The following SLC24A1 variants were observed in gnomAD, a reference collection of about 807,000 sequenced individuals.
The protein encoded by SLC24A1 is solute carrier family 24 member 1, also known as sodium/potassium/calcium exchanger 1.
A neutral mutation model predicts 88.1 loss-of-function variants in SLC24A1; 52 were observed. The ratio of observed to expected loss-of-function variants is 0.59; its 90% CI spans 0.47 to 0.74. The LOEUF (loss-of-function observed/expected upper bound fraction) is 0.74, where lower values mean the gene tolerates loss of function less well. SLC24A1 is among the 30% of genes least tolerant of loss of function. SLC24A1 has a pLI of 0.00. For synonymous variants in SLC24A1, 455 were observed against 498.0 expected, an observed-to-expected ratio of 0.91 and a Z score of 1.15; for missense variants, 1,173 against 1,363.3, an observed-to-expected ratio of 0.86 and a Z score of 2.20.
Position 65,624,461 on chromosome 15 carries a change from G to A in SLC24A1, c.381G>A (p.Lys127=). 5.0e-6 allele frequency: 8 copies of A among 1,610,720 alleles called. No homozygotes were observed. The highest frequency in any genetic ancestry group is 6.8e-6 in the Non-Finnish European group (8 of 1,178,358). Residue 127 remains lysine (K), a synonymous_variant, in exon 2 of 10, where the codon AAG becomes AAA. Transcript: ENST00000261892. ...RTAKMIPTTT[K]NNYSPTAAGT... is the part of the protein sequence containing the mutation. ...CCAAGATGATCCCAACAACAACCAA[G>A]AATAATTACAGCCCAACAGCAGCAG... is the stretch of plus-strand genomic sequence containing the variant.
chr15:65,611,366 T>A (rs150831284), upstream of SLC24A1: 1 of 606,674 alleles, frequency 1.6e-6, no homozygotes, highest in African/African-American at 1.8e-5. Flanking sequence ...CCCCAACTTC[T>A]CTCGAGCCTT....
At chr15:65,651,583 G>T in intron 7 of SLC24A1, 87 bp from the exon 8 acceptor site, 1 of 723,896 alleles carries the variant, frequency 1.4e-6, no homozygotes, top group Non-Finnish European at 2.5e-6. Flanking sequence ...ATTAGACCTT[G>T]TCACTGATTG....
intron 3 of SLC24A1, 37 bp downstream of exon 3, chr15:65,638,218 GC>G: frequency 7.0e-7 from 1 of 1,420,018 alleles, no homozygotes. Context: ...TGGGGACACT[GC>G]AGGGTCTCAG....
At chr15:65,634,996 AAGTT>A (rs1310672456) in intron 2 of SLC24A1, among the ~76,000 whole-genome samples, 2 of 152,152 alleles carry the variant, frequency 1.3e-5, no homozygotes, top group Admixed American at 6.5e-5. Flanking sequence ...AGGCTTCAGA[AAGTT>A]AGAAGTGCAT....
Position 65,615,932 on chromosome 15 carries a change from A to G in SLC24A1, c.-227-2948A>G, listed in dbSNP as rs1025428718. 1.9e-4 allele frequency among the ~76,000 whole-genome samples: 24 copies of G among 125,934 alleles called. No individual in the cohort carries two copies. In the Admixed American group the frequency reaches 2.5e-3, roughly 13 times the overall value. 82.6% of individuals were successfully genotyped at this position (125,934 alleles called of 152,430 possible). A position where few individuals can be genotyped will look rare whatever the true frequency, so the allele number is the denominator to read the frequency against. Reference sequence around the variant, plus strand: ...TGTGATGTTCCCTGCCCTGTGTCCAAGTAATCTCATTGTTCAATTCCCACC... The same window carrying G: ...TGTGATGTTCCCTGCCCTGTGTCCAGGTAATCTCATTGTTCAATTCCCACC... On this transcript the variant is annotated intron_variant, in intron 2 of 11. Transcript: ENST00000537259.
At chr15:65,649,233 A>G (rs542525657) in intron 6 of SLC24A1, among the ~76,000 whole-genome samples, 13 of 152,162 alleles carry the variant, frequency 8.5e-5, no homozygotes, top group Non-Finnish European at 1.8e-4. Flanking sequence ...CTGAGTAGCT[A>G]GGATTACAGG....
At chr15:65,648,828 G>T (rs1411056410) in intron 6 of SLC24A1, among the ~76,000 whole-genome samples, 2 of 151,562 alleles carry the variant, frequency 1.3e-5, no homozygotes, top group African/African-American at 4.9e-5. Flanking sequence ...CAGGGGTATG[G>T]GGTCTCACTA....
chr15:65,624,901 G>A lies in SLC24A1; in HGVS notation c.821G>A (p.Ser274Asn), dbSNP rs2074450022. ...VEANVLTSPR[S>N]VMEKNNLFPP... is the part of the protein sequence containing the mutation. Reference sequence around the variant, plus strand: ...GCAAACGTCTTGACTTCTCCAAGGAGCGTCATGGAAAAAAACAACCTGTTT... The same window carrying A: ...GCAAACGTCTTGACTTCTCCAAGGAACGTCATGGAAAAAAACAACCTGTTT... The change falls in exon 2 of 10, where the codon AGC becomes AAC. Residue 274 changes from serine to asparagine, a missense_variant. Coordinates refer to ENST00000261892, the MANE Select transcript of SLC24A1 (RefSeq NM_004727.3). 6.2e-7 allele frequency: 1 copy of A among 1,613,540 alleles called. No individual in the cohort carries two copies. Among genetic ancestry groups the A allele is most frequent in the East Asian group, 2.2e-5 (1 of 44,886 alleles).
At chr15:65,652,030 G>T in intron 8 of SLC24A1, 1 of 438,870 alleles carries the variant, frequency 2.3e-6, no homozygotes, top group South Asian at 2.0e-5. Flanking sequence ...CTTATTTCCT[G>T]CTTTCTCTGC....
downstream of SLC24A1, among the ~76,000 whole-genome samples, chr15:65,658,909 C>T (rs2075761083): frequency 2.0e-5 from 3 of 151,948 alleles, no homozygotes; most frequent in South Asian, 6.2e-4. Flanking sequence ...ACTAGAAAAC[C>T]TTACAATTAA....
At chr15:65,631,540 C>T (rs2074725104) in intron 2 of SLC24A1, among the ~76,000 whole-genome samples, 1 of 152,072 alleles carries the variant, frequency 6.6e-6, no homozygotes. Context: ...GAAACCACCC[C>T]ATAGCCAGTG....
chr15:65,639,344 T>G (rs1010204752), intron 3 of SLC24A1, among the ~76,000 whole-genome samples: 1 of 152,344 alleles, frequency 6.6e-6, no homozygotes, highest in African/African-American at 2.4e-5. Context: ...TACACCAGGT[T>G]GCTCCCTGTG....
intron 2 of SLC24A1, among the ~76,000 whole-genome samples, chr15:65,637,275 C>T (rs2074972251): frequency 6.6e-6 from 1 of 151,656 alleles, no homozygotes; most frequent in Admixed American, 6.6e-5. Flanking sequence ...CTAGCACTTA[C>T]CTGAGCACAC....
chr15:65,654,582 C>G lies in SLC24A1; in HGVS notation c.*503C>G. On this transcript the variant is annotated 3_prime_UTR_variant, in exon 10 of 10. Transcript: ENST00000261892. ...TGTGAGGTTCTATCAGGTTTGTAAT[C>G]ACTGTAGCTTCAGTTATTGGTGAGT... 8.3e-7 allele frequency: 1 copy of G among 1,200,240 alleles called. No homozygotes were observed. Among genetic ancestry groups the G allele is most frequent in the Non-Finnish European group, 1.1e-6 (1 of 952,114 alleles). 74.3% of individuals were successfully genotyped at this position (1,200,240 alleles called of 1,614,324 possible).
At chr15:65,626,606 G>C (rs558934063) in intron 2 of SLC24A1, among the ~76,000 whole-genome samples, 3 of 152,228 alleles carry the variant, frequency 2.0e-5, no homozygotes, top group South Asian at 4.2e-4. Flanking sequence ...CCTTCTCTCT[G>C]TGCCCGCTGG....
chr15:65,650,250 C>A lies in SLC24A1; in HGVS notation c.2233-132C>A. Reference sequence around the variant, plus strand: ...TCATGGGAATTCTGCTGAATTATCGCACTAGTTTTCTCCTCATACTTAAGT... The same window carrying A: ...TCATGGGAATTCTGCTGAATTATCGAACTAGTTTTCTCCTCATACTTAAGT... On this transcript the variant is annotated intron_variant, in intron 6 of 9. Coordinates refer to ENST00000261892, the MANE Select transcript of SLC24A1 (RefSeq NM_004727.3). The surrounding 1 kb of genome is among the most constrained non-coding windows in gnomAD (Gnocchi z 4.1). The A allele has an allele frequency of 1.5e-6, 1 of 674,918 alleles. No individual in the cohort carries two copies. The highest frequency in any genetic ancestry group is 2.0e-5 in the South Asian group (1 of 49,568). The allele number at this position is 674,918 out of a possible 1,614,324, so 41.8% of individuals were successfully genotyped here. A position where few individuals can be genotyped will look rare whatever the true frequency, so the allele number is the denominator to read the frequency against.
At chr15:65,657,475 A>C (rs924908257), downstream of SLC24A1, among the ~76,000 whole-genome samples, 2 of 152,030 alleles carry the variant, frequency 1.3e-5, no homozygotes, top group African/African-American at 2.4e-5. Context: ...CCCCGTCTCT[A>C]CTAAAAAAAT....
rs1176831031 is a variant in SLC24A1 at position 65,650,127 on chromosome 15, A to G, written c.2233-255A>G. ...TATAAATATGGACTTCAGATGAATC[A>G]GAGGTGCCAAAGATGACAGAAGCTG... On this transcript the variant is annotated intron_variant, in intron 6 of 9. Transcript: ENST00000261892. The surrounding 1 kb of genome is among the most constrained non-coding windows in gnomAD (Gnocchi z 4.1). Among the ~76,000 whole-genome samples, 1 of 152,220 alleles carries G rather than the reference A, an allele frequency of 6.6e-6. No homozygotes were observed. The highest frequency in any genetic ancestry group is 2.4e-5 in the African/African-American group (1 of 41,458).
intron 9 of SLC24A1, among the ~76,000 whole-genome samples, chr15:65,653,326 T>C (rs955530777): frequency 6.6e-6 from 1 of 152,206 alleles, no homozygotes; most frequent in Non-Finnish European, 1.5e-5. Flanking sequence ...TGAATTTGGG[T>C]GGTAGATTTG....
Sources: gnomAD v4.1 joint callset for allele counts (sites outside exome capture counted in the v4.1 genomes callset) on GRCh38, gnomAD v4.1.1 for gene constraint, Gnocchi (gnomAD v3.1) non-coding constraint, MANE v1.5 for transcripts, NCBI Gene and HGNC (gene_info 2026-07-23, HGNC 2026-07-21) for gene names.